Variants in SYN2 observed in about 807,000 individuals in gnomAD.
SYN2 encodes synapsin-2.
In SYN2, 19 loss-of-function variants were observed where a neutral mutation model predicts 50.9. The observed-to-expected ratio is 0.37, with a 90% CI of 0.26 to 0.55. SYN2 has a LOEUF of 0.55. SYN2 is among the 20% of genes least tolerant of loss of function. The pLI, the probability that SYN2 is intolerant of heterozygous loss-of-function variation, is 0.81. For missense variants in SYN2, 587 were observed against 576.4 expected, an observed-to-expected ratio of 1.02 and a Z score of -0.19; for synonymous variants, 255 against 224.9, an observed-to-expected ratio of 1.13 and a Z score of -1.20.
At chr3:12,182,893 G>C (rs1265052590) in intron 10 of SYN2, among the ~76,000 whole-genome samples, 1 of 152,238 alleles carries the variant, frequency 6.6e-6, no homozygotes, top group Non-Finnish European at 1.5e-5. Context: ...CCCTGTCTCT[G>C]GGGTTTGGCG....
intron 11 of SYN2, chr3:12,184,121 G>A: frequency 1.0e-6 from 1 of 985,938 alleles, no homozygotes. Flanking sequence ...GTGATGACAT[G>A]AAATACAAAG....
chr3:12,183,528 C>T, intron 11 of SYN2, 156 bp downstream of exon 11: 2 of 1,553,826 alleles, frequency 1.3e-6, no homozygotes, highest in Non-Finnish European at 1.7e-6. Flanking sequence ...GACCCTCCCA[C>T]TGGTGCCGTT....
chr3:12,057,650 T>A (rs528611119), intron 1 of SYN2, among the ~76,000 whole-genome samples: 1 of 152,320 alleles, frequency 6.6e-6, no homozygotes, highest in South Asian at 2.1e-4. Flanking sequence ...TATTGATTTC[T>A]CAGCATTTGA....
At chr3:12,179,110 GCT>G (rs1698161243) in intron 10 of SYN2, among the ~76,000 whole-genome samples, 1 of 152,184 alleles carries the variant, frequency 6.6e-6, no homozygotes, top group Admixed American at 6.5e-5. Context: ...AGCTTCACCA[GCT>G]CTCTCCTTCC....
chr3:12,163,131 A>G (rs1429647176), intron 7 of SYN2, among the ~76,000 whole-genome samples: 1 of 151,412 alleles, frequency 6.6e-6, no homozygotes, highest in Non-Finnish European at 1.5e-5. Flanking sequence ...AGTCCCAGCT[A>G]CTCAGGAGGC....
chr3:12,049,842 A>C (rs1440831908), intron 1 of SYN2, among the ~76,000 whole-genome samples: 2 of 152,242 alleles, frequency 1.3e-5, no homozygotes, highest in Non-Finnish European at 2.9e-5. Context: ...GGAAAAGCAG[A>C]AACTTTCCAG....
At chr3:12,013,294 A>G (rs1452354949) in intron 1 of SYN2, among the ~76,000 whole-genome samples, 1 of 152,084 alleles carries the variant, frequency 6.6e-6, no homozygotes, top group Non-Finnish European at 1.5e-5. Context: ...TACTTGTTTT[A>G]TCGAAGTTTC....
chr3:12,184,300 G>A, intron 11 of SYN2: 6 of 984,544 alleles, frequency 6.1e-6, no homozygotes, highest in Non-Finnish European at 7.2e-6. Context: ...TTTCTTCATT[G>A]TTGCTGTTTC....
intron 12 of SYN2, among the ~76,000 whole-genome samples, chr3:12,189,204 T>C (rs310763): frequency 0.84 from 127,065 of 152,156 alleles, 53,408 homozygotes; most frequent in African/African-American, 0.92. Flanking sequence ...GCAGCAGGAG[T>C]GAGTAGGAGT....
At chr3:12,181,282 G>C (rs1055946606) in intron 10 of SYN2, among the ~76,000 whole-genome samples, 1 of 152,250 alleles carries the variant, frequency 6.6e-6, no homozygotes, top group African/African-American at 2.4e-5. Flanking sequence ...GGACCCTTCA[G>C]TGGTACTGGG....
intron 1 of SYN2, among the ~76,000 whole-genome samples, chr3:12,067,742 C>A (rs1370370820): frequency 6.6e-6 from 1 of 152,260 alleles, no homozygotes; most frequent in South Asian, 2.1e-4. Context: ...ACTTCTTAAG[C>A]ATTCTATAAA....
chr3:12,110,577 C>G (rs1696288544), intron 1 of SYN2, among the ~76,000 whole-genome samples: 1 of 152,252 alleles, frequency 6.6e-6, no homozygotes, highest in Non-Finnish European at 1.5e-5. Context: ...CAGACTTCTT[C>G]CTGGACATCT....
At chr3:12,072,250 T>C (rs1468660958) in intron 1 of SYN2, among the ~76,000 whole-genome samples, 3 of 152,224 alleles carry the variant, frequency 2.0e-5, no homozygotes, top group African/African-American at 7.2e-5. Context: ...TTATCAGATA[T>C]ATGATTAGCA....
intron 1 of SYN2, among the ~76,000 whole-genome samples, chr3:12,052,570 A>T (rs1352170378): frequency 6.6e-6 from 1 of 152,206 alleles, no homozygotes; most frequent in East Asian, 1.9e-4. Flanking sequence ...AATAGAACCT[A>T]AATTGAAGAA....
At chr3:12,090,917 T>C (rs978719844) in intron 1 of SYN2, among the ~76,000 whole-genome samples, 2 of 152,186 alleles carry the variant, frequency 1.3e-5, no homozygotes, top group Admixed American at 1.3e-4. Context: ...TAAAATGTTA[T>C]AAGACAAACT....
chr3:12,085,265 T>TA (rs1433829644), intron 1 of SYN2, among the ~76,000 whole-genome samples: 4 of 151,398 alleles, frequency 2.6e-5, no homozygotes, highest in African/African-American at 7.3e-5. Flanking sequence ...TCAAAAACTG[T>TA]AAAAAAAGAC....
intron 10 of SYN2, among the ~76,000 whole-genome samples, chr3:12,171,921 G>A (rs1373877950): frequency 6.6e-6 from 1 of 152,210 alleles, no homozygotes; most frequent in Non-Finnish European, 1.5e-5. Context: ...AACATTAAGT[G>A]TTGTAGCTTA....
intron 1 of SYN2, among the ~76,000 whole-genome samples, chr3:12,122,487 T>A (rs539865538): frequency 6.6e-6 from 1 of 152,078 alleles, no homozygotes; most frequent in Non-Finnish European, 1.5e-5. Flanking sequence ...CAAAAGGAGA[T>A]GATAATTTGA....
intron 1 of SYN2, among the ~76,000 whole-genome samples, chr3:12,083,036 G>T (rs1465063946): frequency 6.6e-6 from 1 of 152,078 alleles, no homozygotes; most frequent in African/African-American, 2.4e-5. Context: ...CCCCGAGACT[G>T]AGTCTCACTC....
Sources: gnomAD v4.1 joint callset for allele counts (sites outside exome capture counted in the v4.1 genomes callset) on GRCh38, gnomAD v4.1.1 for gene constraint, MANE v1.5 for transcripts, NCBI Gene and HGNC (gene_info 2026-07-23, HGNC 2026-07-21) for gene names.